Variants in CBR4 observed in about 807,000 individuals in gnomAD.
The protein encoded by CBR4 is carbonyl reductase 4.
Under a neutral mutation model 21.0 loss-of-function variants are expected in CBR4, and 22 were observed. The observed-to-expected ratio is 1.05, with a 90% CI of 0.75 to 1.50. The LOEUF (loss-of-function observed/expected upper bound fraction) is 1.50. CBR4 is among the 40% of genes most tolerant of loss of function. The probability of loss-of-function intolerance (pLI) is 0.00; values close to 1 mark genes in which losing one functional copy is unlikely to be tolerated. For synonymous variants in CBR4, 100 were observed against 104.4 expected, an observed-to-expected ratio of 0.96 and a Z score of 0.26; for missense variants, 302 against 286.3, an observed-to-expected ratio of 1.05 and a Z score of -0.40.
chr4:168,900,668 G>T (rs867916457), intron 2 of CBR4, among the ~76,000 whole-genome samples: 2 of 152,106 alleles, frequency 1.3e-5, no homozygotes, highest in African/African-American at 4.8e-5. Context: ...AAAGATCAAA[G>T]AAAAGAGCCT....
intron 2 of CBR4, among the ~76,000 whole-genome samples, chr4:168,929,390 T>C (rs116290129): frequency 3.1e-3 from 470 of 152,350 alleles, no homozygotes; most frequent in Non-Finnish European, 4.7e-3. Context: ...TGAGGATACA[T>C]TTGAATTAGA....
At chr4:168,908,426 T>C (rs950651411) in intron 2 of CBR4, among the ~76,000 whole-genome samples, 2 of 152,196 alleles carry the variant, frequency 1.3e-5, no homozygotes, top group Non-Finnish European at 2.9e-5. Flanking sequence ...TATTACCGTA[T>C]ATTAAAACTT....
intron 4 of CBR4, among the ~76,000 whole-genome samples, chr4:169,000,043 G>A (rs1048679645): frequency 3.3e-5 from 5 of 152,084 alleles, no homozygotes; most frequent in African/African-American, 4.8e-5. Context: ...TCCATTCCCC[G>A]AAACCATTCA....
At chr4:168,938,302 A>G (rs1763168954) in intron 2 of CBR4, among the ~76,000 whole-genome samples, 1 of 152,250 alleles carries the variant, frequency 6.6e-6, no homozygotes, top group African/African-American at 2.4e-5. Context: ...TCTCTGGGAC[A>G]CAGCTAAAGC....
chr4:168,899,448 G>A (rs570296888), intron 2 of CBR4, among the ~76,000 whole-genome samples: 1 of 152,248 alleles, frequency 6.6e-6, no homozygotes, highest in South Asian at 2.1e-4. Flanking sequence ...CACATGATAG[G>A]GAGCCAAAAG....
At chr4:168,974,541 C>A (rs1263863830) in intron 2 of CBR4, among the ~76,000 whole-genome samples, 1 of 152,060 alleles carries the variant, frequency 6.6e-6, no homozygotes, top group Non-Finnish European at 1.5e-5. Flanking sequence ...TCAGGAACAC[C>A]AATTATTCTT....
At chr4:168,936,762 C>T (rs954464083) in intron 2 of CBR4, among the ~76,000 whole-genome samples, 5 of 152,030 alleles carry the variant, frequency 3.3e-5, no homozygotes, top group African/African-American at 1.2e-4. Flanking sequence ...ATGAACAAAG[C>T]CTCCAAGAAT....
intron 2 of CBR4, among the ~76,000 whole-genome samples, chr4:168,963,960 T>C (rs774352678): frequency 6.6e-6 from 1 of 151,982 alleles, no homozygotes; most frequent in Non-Finnish European, 1.5e-5. Context: ...AACATCCAAA[T>C]CCAATCACAA....
chr4:168,983,179 T>G (rs1169164319), downstream of CBR4, among the ~76,000 whole-genome samples: 3 of 151,980 alleles, frequency 2.0e-5, no homozygotes, highest in Non-Finnish European at 4.4e-5. Flanking sequence ...CTATACTAAT[T>G]TTTTTAAAAA....
intron 2 of CBR4, among the ~76,000 whole-genome samples, chr4:168,896,281 A>C (rs915859163): frequency 6.6e-6 from 1 of 152,196 alleles, no homozygotes; most frequent in Non-Finnish European, 1.5e-5. Flanking sequence ...TCTATCTTAA[A>C]TGTGCTCACA....
chr4:169,000,923 CA>C (rs1272670315), intron 4 of CBR4, among the ~76,000 whole-genome samples: 10 of 151,760 alleles, frequency 6.6e-5, no homozygotes, highest in African/African-American at 2.4e-4. Flanking sequence ...AGTAAAAGGA[CA>C]AAACTATCTA....
At chr4:168,896,500 C>T (rs1473985594) in intron 2 of CBR4, 1 of 1,066,210 alleles carries the variant, frequency 9.4e-7, no homozygotes, top group Admixed American at 2.0e-5. Flanking sequence ...TTGCTGCATT[C>T]TTATTATTTC....
intron 2 of CBR4, among the ~76,000 whole-genome samples, chr4:168,911,950 C>T (rs1442899019): frequency 3.9e-5 from 6 of 152,028 alleles, no homozygotes; most frequent in Admixed American, 3.3e-4. Flanking sequence ...GGTAATTCCT[C>T]ATTCTTCTCC....
At chr4:168,993,336 C>T (rs1022823780) in intron 4 of CBR4, among the ~76,000 whole-genome samples, 1 of 151,992 alleles carries the variant, frequency 6.6e-6, no homozygotes, top group African/African-American at 2.4e-5. Context: ...TCAGGCTCCC[C>T]AGTAGCTGGG....
intron 2 of CBR4, among the ~76,000 whole-genome samples, chr4:168,966,940 G>A (rs112486868): frequency 4.3e-4 from 65 of 152,014 alleles, no homozygotes; most frequent in Admixed American, 1.1e-3. Flanking sequence ...ATGGCAACCC[G>A]GGAGGCCGAG....
intron 2 of CBR4, among the ~76,000 whole-genome samples, chr4:168,970,662 A>T (rs1041699697): frequency 2.8e-5 from 4 of 143,040 alleles, no homozygotes; most frequent in Admixed American, 2.1e-4. Context: ...GCAAGGCCCC[A>T]GAGTCCATTA....
chr4:168,898,197 CT>C (rs1397047032), intron 2 of CBR4: 2 of 435,064 alleles, frequency 4.6e-6, no homozygotes, highest in Non-Finnish European at 8.5e-6. Flanking sequence ...TTGCTTTTGC[CT>C]TTTTCTTTCC....
chr4:168,964,301 C>T (rs1456309782), intron 2 of CBR4, among the ~76,000 whole-genome samples: 1 of 152,160 alleles, frequency 6.6e-6, no homozygotes, highest in Non-Finnish European at 1.5e-5. Flanking sequence ...TCCCTTTAAC[C>T]TCAGCTTTCT....
intron 2 of CBR4, among the ~76,000 whole-genome samples, chr4:168,979,762 C>A (rs1398276650): frequency 6.6e-6 from 1 of 152,180 alleles, no homozygotes; most frequent in Non-Finnish European, 1.5e-5. Flanking sequence ...GCTGAATATT[C>A]CCATTCGCAG....
Sources: allele counts gnomAD v4.1 joint callset (sites outside exome capture counted in the v4.1 genomes callset), GRCh38; gene constraint gnomAD v4.1.1; transcripts MANE v1.5; gene names NCBI Gene and HGNC (gene_info 2026-07-23, HGNC 2026-07-21).